The following GABRG3 variants were observed in gnomAD, a reference collection of about 807,000 sequenced individuals.
The protein encoded by GABRG3 is gamma-aminobutyric acid receptor subunit gamma-3.
A neutral mutation model predicts 48.8 loss-of-function variants in GABRG3; 25 were observed. That is an observed-to-expected ratio of 0.51 (90% CI 0.37 to 0.72). GABRG3 has a LOEUF of 0.72. Among genes scored for constraint, GABRG3 ranks in the 30% least tolerant of loss-of-function variants. The pLI is 0.00. For missense variants in GABRG3, 394 were observed against 577.9 expected, an observed-to-expected ratio of 0.68 and a Z score of 3.26; for synonymous variants, 227 against 217.6, an observed-to-expected ratio of 1.04 and a Z score of -0.38.
At chr15:27,082,321 A>T (rs550972358) in intron 3 of GABRG3, among the ~76,000 whole-genome samples, 1 of 152,342 alleles carries the variant, frequency 6.6e-6, no homozygotes, top group African/African-American at 2.4e-5. Context: ...TCATGAAAGG[A>T]AATGAAGTTG....
At chr15:27,340,894 T>C (rs1463495950) in intron 5 of GABRG3, 3 of 443,350 alleles carry the variant, frequency 6.8e-6, no homozygotes, top group African/African-American at 2.0e-5. Context: ...GGTTCTGTTA[T>C]GTACTTTTGT....
chr15:27,368,849 C>T (rs1895300877), intron 5 of GABRG3, among the ~76,000 whole-genome samples: 1 of 152,096 alleles, frequency 6.6e-6, no homozygotes, highest in Non-Finnish European at 1.5e-5. Context: ...TGGGAAGGTA[C>T]TGGGGAATGG....
chr15:27,432,214 A>G (rs1422838693), intron 5 of GABRG3, among the ~76,000 whole-genome samples: 1 of 152,222 alleles, frequency 6.6e-6, no homozygotes, highest in Non-Finnish European at 1.5e-5. Flanking sequence ...TTTTGACAGT[A>G]TAGTATATAC....
chr15:26,991,976 TC>T (rs753142457), intron 2 of GABRG3, among the ~76,000 whole-genome samples: 2 of 152,218 alleles, frequency 1.3e-5, no homozygotes, highest in Non-Finnish European at 2.9e-5. Flanking sequence ...TGCCTTGGCC[TC>T]CCAAAGTGCT....
At chr15:27,188,553 T>C (rs1186000527) in intron 3 of GABRG3, among the ~76,000 whole-genome samples, 11 of 151,292 alleles carry the variant, frequency 7.3e-5, no homozygotes, top group East Asian at 3.9e-4. Flanking sequence ...TCATGTCCTT[T>C]GCCCACTTTT....
chr15:27,389,456 G>C (rs773933476), intron 5 of GABRG3, among the ~76,000 whole-genome samples: 2 of 152,152 alleles, frequency 1.3e-5, no homozygotes, highest in African/African-American at 2.4e-5. Context: ...ACCAAATTTT[G>C]TACCAGCGCC....
At chr15:27,522,437 TA>T (rs139517124) in intron 7 of GABRG3, among the ~76,000 whole-genome samples, 3 of 151,464 alleles carry the variant, frequency 2.0e-5, no homozygotes, top group South Asian at 2.1e-4. Flanking sequence ...CGGTGAAGTT[TA>T]AAAAAAACTA....
intron 6 of GABRG3, among the ~76,000 whole-genome samples, chr15:27,494,370 G>A (rs1200278441): frequency 6.6e-6 from 1 of 152,082 alleles, no homozygotes; most frequent in African/African-American, 2.4e-5. Context: ...AATGAAGAGA[G>A]AAGTGTTCCC....
chr15:27,424,420 G>A (rs1888226613), intron 5 of GABRG3, among the ~76,000 whole-genome samples: 1 of 152,126 alleles, frequency 6.6e-6, no homozygotes, highest in African/African-American at 2.4e-5. Flanking sequence ...GTGCCTAGCT[G>A]CTGTGTCCTC....
At position 27,224,609 on chromosome 15, in the gene GABRG3, GTTC is replaced by G. The variant is rs771388776; in HGVS notation, c.271-102194_271-102192del. Among the ~76,000 whole-genome samples, 17 of 152,258 alleles carry G rather than the reference GTTC, an allele frequency of 1.1e-4. No individual in the cohort carries two copies. In the South Asian group the frequency reaches 2.7e-3, roughly 24 times the overall value. On this transcript the variant is annotated intron_variant, in intron 3 of 9. Coordinates refer to ENST00000615808, the MANE Select transcript of GABRG3 (RefSeq NM_033223.5). ...ATGCGAGTGGACTGGATTTCAACAG[GTTC>G]TTCTTGCAATGCTTTTCACTGTCCT...
intron 5 of GABRG3, chr15:27,340,985 G>A (rs1894154757): frequency 2.0e-6 from 1 of 511,446 alleles, no homozygotes; most frequent in Non-Finnish European, 3.9e-6. Flanking sequence ...GTGTTTTGGA[G>A]GGAAAGAAGG....
chr15:27,193,506 C>T (rs1355923120), intron 3 of GABRG3, among the ~76,000 whole-genome samples: 2 of 151,596 alleles, frequency 1.3e-5, no homozygotes, highest in Non-Finnish European at 3.0e-5. Context: ...ACTCCGTGGG[C>T]GTAGGACCCT....
Position 26,974,293 on chromosome 15 carries a change from C to T in GABRG3, c.53+2705C>T, listed in dbSNP as rs1894897285. ...TCTAAGGAGGAAGCGCTTGCAATTT[C>T]AGGAAAACCCTCTCATCACCACTAG... On this transcript the variant is annotated intron_variant, in intron 1 of 9. Coordinates refer to ENST00000615808, the MANE Select transcript of GABRG3 (RefSeq NM_033223.5). The surrounding 1 kb of genome is among the most constrained non-coding windows in gnomAD (Gnocchi z 4.3). 6.6e-6 allele frequency among the ~76,000 whole-genome samples: 1 copy of T among 152,184 alleles called. No homozygotes were observed. The highest frequency in any genetic ancestry group is 2.4e-5 in the African/African-American group (1 of 41,436).
chr15:27,314,162 A>G (rs975790532), intron 3 of GABRG3, among the ~76,000 whole-genome samples: 11 of 152,172 alleles, frequency 7.2e-5, no homozygotes, highest in Non-Finnish European at 1.5e-5. Flanking sequence ...ACAACAAAGG[A>G]AATGATCAAC....
At chr15:27,043,823 C>T (rs548167843) in intron 3 of GABRG3, among the ~76,000 whole-genome samples, 3 of 152,230 alleles carry the variant, frequency 2.0e-5, no homozygotes, top group Non-Finnish European at 2.9e-5. Context: ...CTGGCTCCTC[C>T]GCTTCAGGGT....
At chr15:27,395,620 A>C (rs1211331229) in intron 5 of GABRG3, among the ~76,000 whole-genome samples, 1 of 152,226 alleles carries the variant, frequency 6.6e-6, no homozygotes, top group African/African-American at 2.4e-5. Flanking sequence ...CAAGAGTTCA[A>C]GAGAAGAGAT....
At chr15:27,110,107 C>G (rs571571300) in intron 3 of GABRG3, among the ~76,000 whole-genome samples, 1 of 152,120 alleles carries the variant, frequency 6.6e-6, no homozygotes, top group Admixed American at 6.5e-5. Flanking sequence ...GTCTCTTTTT[C>G]TCTCTTGTTT....
intron 5 of GABRG3, among the ~76,000 whole-genome samples, chr15:27,347,669 A>G (rs1278854794): frequency 6.6e-6 from 1 of 152,164 alleles, no homozygotes; most frequent in Non-Finnish European, 1.5e-5. Flanking sequence ...TGAGAACCTT[A>G]TAGGATTCCT....
At chr15:27,391,541 C>T (rs914770848) in intron 5 of GABRG3, among the ~76,000 whole-genome samples, 3 of 152,126 alleles carry the variant, frequency 2.0e-5, no homozygotes, top group Admixed American at 6.5e-5. Context: ...TCCCTGTATT[C>T]GTGCTAATAT....
Sources: gnomAD v4.1 joint callset for allele counts (sites outside exome capture counted in the v4.1 genomes callset) on GRCh38, gnomAD v4.1.1 for gene constraint, Gnocchi (gnomAD v3.1) non-coding constraint, MANE v1.5 for transcripts, NCBI Gene and HGNC (gene_info 2026-07-23, HGNC 2026-07-21) for gene names.